SLC5A11: variants seen among roughly 807,000 people sequenced by gnomAD.
SLC5A11 encodes the protein solute carrier family 5 member 11, also known as sodium/myo-inositol cotransporter 2.
In SLC5A11, 48 loss-of-function variants were observed where a neutral mutation model predicts 69.8. That is an observed-to-expected ratio of 0.69 (90% CI 0.55 to 0.87). The LOEUF (loss-of-function observed/expected upper bound fraction) is 0.87, where lower values mean the gene tolerates loss of function less well. SLC5A11 is among the 40% of genes least tolerant of loss of function. The pLI, the probability that SLC5A11 is intolerant of heterozygous loss-of-function variation, is 0.00. For synonymous variants in SLC5A11, 319 were observed against 342.4 expected, an observed-to-expected ratio of 0.93 and a Z score of 0.75; for missense variants, 784 against 866.1, an observed-to-expected ratio of 0.91 and a Z score of 1.19.
chr16:24,901,956 A>G (rs201946796), intron 10 of SLC5A11, among the ~76,000 whole-genome samples: 5,426 of 95,654 alleles, frequency 0.057, 229 homozygotes, highest in African/African-American at 0.12. Flanking sequence ...ACACACACAC[A>G]CGCACACACA....
intron 9 of SLC5A11, among the ~76,000 whole-genome samples, chr16:24,895,987 G>C (rs2049134209): frequency 6.6e-6 from 1 of 152,040 alleles, no homozygotes; most frequent in African/African-American, 2.4e-5. Context: ...TCTCATTAAG[G>C]GTTCTTTGAT....
chr16:24,908,757 C>T (rs1367994546), intron 13 of SLC5A11, 124 bp from the exon 15 acceptor site: 1 of 760,240 alleles, frequency 1.3e-6, no homozygotes, highest in African/African-American at 1.8e-5. Context: ...AGAACCTTTT[C>T]AAATTGCTGA....
intron 1 of SLC5A11, among the ~76,000 whole-genome samples, chr16:24,847,502 A>G (rs2059080796): frequency 6.6e-6 from 1 of 151,764 alleles, no homozygotes; most frequent in Non-Finnish European, 1.5e-5. Context: ...ATAGCTCACC[A>G]GCATGCCCTG....
At chr16:24,893,116 C>CAAAAAAAAAAA (rs58331547) in intron 9 of SLC5A11, among the ~76,000 whole-genome samples, 7 of 99,102 alleles carry the variant, frequency 7.1e-5, no homozygotes, top group Non-Finnish European at 1.1e-4. Context: ...ACTAAAAATA[C>CAAAAAAAAAAA]AAAAAAAAAA....
intron 3 of SLC5A11, among the ~76,000 whole-genome samples, chr16:24,864,397 C>T (rs1178717202): frequency 2.0e-5 from 3 of 152,104 alleles, no homozygotes; most frequent in African/African-American, 7.2e-5. Flanking sequence ...TTGGTGGCCA[C>T]ACATGATAAA....
At chr16:24,891,343 C>T (rs1301135067) in intron 9 of SLC5A11, among the ~76,000 whole-genome samples, 1 of 133,286 alleles carries the variant, frequency 7.5e-6, no homozygotes, top group Non-Finnish European at 1.6e-5. Flanking sequence ...GAGACAGGGT[C>T]TCACTCTATC....
At chr16:24,887,958 C>T (rs886190963) in intron 8 of SLC5A11, among the ~76,000 whole-genome samples, 2 of 151,936 alleles carry the variant, frequency 1.3e-5, no homozygotes, top group African/African-American at 4.8e-5. Flanking sequence ...ATACACAAAG[C>T]AGAAGCTGTT....
At chr16:24,892,073 A>G (rs1025650438) in intron 9 of SLC5A11, among the ~76,000 whole-genome samples, 7 of 145,000 alleles carry the variant, frequency 4.8e-5, no homozygotes, top group African/African-American at 1.8e-4. Flanking sequence ...AAAAAAAAGT[A>G]AAAATTAGCC....
In SLC5A11 at chr16:24,897,272, A is replaced by T. The variant is rs60242456; in HGVS notation, c.871-702A>T. 2.1e-3 allele frequency among the ~76,000 whole-genome samples: 320 copies of T among 152,126 alleles called. 6 individuals are homozygous for T. In the East Asian group the frequency reaches 0.047, roughly 23 times the overall value. On this transcript the variant is annotated intron_variant, in intron 9 of 15. Coordinates refer to ENST00000347898, the Ensembl canonical transcript of SLC5A11. ...CCCAGCCTCCTTTGCCTTTTTAAGGAAGAAGTTCCATGGAGAGCTGTGGTT... is the reference window on the plus strand; with the variant it reads ...CCCAGCCTCCTTTGCCTTTTTAAGGTAGAAGTTCCATGGAGAGCTGTGGTT...
At chr16:24,911,171 A>C (rs2050494464) in intron 15 of SLC5A11, among the ~76,000 whole-genome samples, 157 bp from the exon 17 acceptor site, 1 of 151,176 alleles carries the variant, frequency 6.6e-6, no homozygotes, top group Admixed American at 6.6e-5. Context: ...TCTCTCAAAA[A>C]AAAAAAAAAA....
intron 7 of SLC5A11, among the ~76,000 whole-genome samples, chr16:24,882,186 G>A (rs142796731): frequency 5.9e-4 from 90 of 152,240 alleles, no homozygotes; most frequent in Non-Finnish European, 7.9e-4. Context: ...TCCCTACCAC[G>A]TAGAACTTGG....
chr16:24,849,586 AAAAAAAAATAT>A (rs1567552589), intron 1 of SLC5A11, among the ~76,000 whole-genome samples: 1 of 112,640 alleles, frequency 8.9e-6, no homozygotes, highest in Admixed American at 9.0e-5. Context: ...AAAAAAAAAA[AAAAAAAAATAT>A]ATATATATAT....
chr16:24,862,500 T>C (rs2046634774), intron 2 of SLC5A11, 101 bp from the exon 4 acceptor site: 1 of 783,930 alleles, frequency 1.3e-6, no homozygotes, highest in East Asian at 2.6e-5. Flanking sequence ...AATCTGGCCC[T>C]CAGGACTCCC....
At chr16:24,901,958 G>GCACA (rs56126191) in intron 10 of SLC5A11, among the ~76,000 whole-genome samples, 12,822 of 136,320 alleles carry the variant, frequency 0.094, 724 homozygotes, top group Non-Finnish European at 0.12. Flanking sequence ...ACACACACAC[G>GCACA]CACACACACA....
At chr16:24,880,445 C>T (rs2047968101) in intron 7 of SLC5A11, among the ~76,000 whole-genome samples, 1 of 152,214 alleles carries the variant, frequency 6.6e-6, no homozygotes, top group African/African-American at 2.4e-5. Context: ...AGCAATTCTC[C>T]TGCCTCAGCC....
chr16:24,872,093 A>G (rs2047340022), intron 4 of SLC5A11, 67 bp from the exon 6 acceptor site: 2 of 1,596,574 alleles, frequency 1.3e-6, no homozygotes, highest in East Asian at 4.5e-5. Flanking sequence ...CAGGGCGCAG[A>G]GGGAAATCCA....
At chr16:24,851,224 G>A (rs959537253) in intron 1 of SLC5A11, among the ~76,000 whole-genome samples, 1 of 151,862 alleles carries the variant, frequency 6.6e-6, no homozygotes, top group African/African-American at 2.4e-5. Context: ...TCAAACTCCT[G>A]GGCTTGGGCC....
intron 10 of SLC5A11, among the ~76,000 whole-genome samples, chr16:24,899,665 G>A (rs545101936): frequency 2.0e-4 from 30 of 151,912 alleles, no homozygotes; most frequent in Non-Finnish European, 4.0e-4. Context: ...GCCTCCCAAA[G>A]TGTTGGGATT....
chr16:24,904,133 A>G (rs2049847212), intron 10 of SLC5A11, among the ~76,000 whole-genome samples: 1 of 152,130 alleles, frequency 6.6e-6, no homozygotes, highest in African/African-American at 2.4e-5. Context: ...ACAAGGGGGA[A>G]CCACCCCCAT....
Sources: allele counts gnomAD v4.1 joint callset (sites outside exome capture counted in the v4.1 genomes callset), GRCh38; gene constraint gnomAD v4.1.1; transcripts MANE v1.5; gene names NCBI Gene and HGNC (gene_info 2026-07-23, HGNC 2026-07-21).